CDH13: variants seen among roughly 807,000 people sequenced by gnomAD.
CDH13 encodes cadherin 13.
In CDH13, 24 loss-of-function variants were observed where a neutral mutation model predicts 63.8. The ratio of observed to expected loss-of-function variants is 0.38; its 90% CI spans 0.27 to 0.53. The LOEUF (loss-of-function observed/expected upper bound fraction) is 0.53, where lower values mean the gene tolerates loss of function less well. Ranked by LOEUF, CDH13 falls within the 20% of genes least tolerant of loss-of-function variation. The probability of loss-of-function intolerance (pLI) is 0.85; values close to 1 mark genes in which losing one functional copy is unlikely to be tolerated. For missense variants in CDH13, 1,049 were observed against 903.1 expected (o/e 1.16, Z -2.07); for synonymous variants, 503 against 355.3 (o/e 1.42, Z -4.67).
chr16:83,760,978 T>G (rs1913921460), intron 11 of CDH13, among the ~76,000 whole-genome samples: 1 of 152,132 alleles, frequency 6.6e-6, no homozygotes, highest in South Asian at 2.1e-4. Context: ...GCAAAGCAAA[T>G]CATGTTCCCT....
intron 8 of CDH13, among the ~76,000 whole-genome samples, chr16:83,646,439 A>G (rs1262955890): frequency 6.6e-6 from 1 of 152,098 alleles, no homozygotes; most frequent in African/African-American, 2.4e-5. Context: ...AGTGGTTCAC[A>G]CCTGTAATCC....
At chr16:83,018,784 G>A (rs905452327) in intron 2 of CDH13, among the ~76,000 whole-genome samples, 4 of 152,176 alleles carry the variant, frequency 2.6e-5, no homozygotes, top group Admixed American at 2.0e-4. Context: ...TATATAGCAC[G>A]GTGCTGTACT....
chr16:83,565,233 C>T (rs556113465), intron 7 of CDH13, among the ~76,000 whole-genome samples: 4 of 152,152 alleles, frequency 2.6e-5, no homozygotes, highest in African/African-American at 9.6e-5. Flanking sequence ...TATAATTGCC[C>T]TCATAGTACC....
At chr16:83,732,992 C>A (rs539476412) in intron 10 of CDH13, among the ~76,000 whole-genome samples, 1 of 152,208 alleles carries the variant, frequency 6.6e-6, no homozygotes, top group Non-Finnish European at 1.5e-5. Context: ...TCCCTGGGAG[C>A]TCGCTACCTT....
chr16:83,224,313 T>C (rs1037703605), intron 5 of CDH13, among the ~76,000 whole-genome samples: 4 of 152,220 alleles, frequency 2.6e-5, no homozygotes, highest in Non-Finnish European at 2.9e-5. Context: ...GCTATAAACA[T>C]GTGTGTGCAA....
chr16:83,314,648 C>G (rs966524295), intron 5 of CDH13, among the ~76,000 whole-genome samples: 1 of 152,160 alleles, frequency 6.6e-6, no homozygotes, highest in African/African-American at 2.4e-5. Context: ...GCCATCTCTT[C>G]CAACACAAGA....
intron 5 of CDH13, among the ~76,000 whole-genome samples, chr16:83,275,228 G>T (rs951491428): frequency 6.6e-6 from 1 of 152,080 alleles, no homozygotes; most frequent in Admixed American, 6.5e-5. Flanking sequence ...AGAGATGCTG[G>T]GCCACATAAC....
intron 3 of CDH13, among the ~76,000 whole-genome samples, chr16:83,077,419 C>G (rs576425861): frequency 6.6e-6 from 1 of 151,990 alleles, no homozygotes; most frequent in African/African-American, 2.4e-5. Flanking sequence ...TCTCGAACTC[C>G]TGACCTCAAG....
intron 1 of CDH13, among the ~76,000 whole-genome samples, chr16:82,798,398 A>G (rs180965165): frequency 3.9e-5 from 6 of 152,096 alleles, no homozygotes; most frequent in African/African-American, 1.4e-4. Flanking sequence ...TTTCCCCTAG[A>G]CTGTTTCTTA....
intron 5 of CDH13, among the ~76,000 whole-genome samples, chr16:83,238,126 G>A (rs9935282): frequency 0.074 from 11,229 of 151,754 alleles, 493 homozygotes; most frequent in Non-Finnish European, 0.093. Flanking sequence ...CTACAAGTTC[G>A]TCCATTAGGT....
intron 5 of CDH13, among the ~76,000 whole-genome samples, chr16:83,302,768 A>C (rs1341346730): frequency 3.3e-5 from 5 of 152,246 alleles, no homozygotes; most frequent in African/African-American, 1.2e-4. Context: ...GAGGGACACC[A>C]AGCCCAGCCA....
chr16:83,649,670 C>G (rs979613345), intron 8 of CDH13, among the ~76,000 whole-genome samples: 3 of 152,110 alleles, frequency 2.0e-5, no homozygotes, highest in Non-Finnish European at 4.4e-5. Context: ...GGGAAGGAGG[C>G]AAGAAAGAGG....
At chr16:83,329,058 C>G (rs1023554858) in intron 5 of CDH13, among the ~76,000 whole-genome samples, 46 of 152,152 alleles carry the variant, frequency 3.0e-4, no homozygotes, top group African/African-American at 1.1e-3. Flanking sequence ...AATGAGGCAT[C>G]TTGAGCTTCC....
chr16:83,468,684 C>G (rs945590295), intron 6 of CDH13, among the ~76,000 whole-genome samples: 4 of 152,184 alleles, frequency 2.6e-5, no homozygotes, highest in Admixed American at 2.6e-4. Context: ...CTTTCTGTCT[C>G]TTTTCACCGC....
intron 7 of CDH13, among the ~76,000 whole-genome samples, chr16:83,525,124 C>A (rs2074930585): frequency 6.6e-6 from 1 of 152,182 alleles, no homozygotes; most frequent in South Asian, 2.1e-4. Flanking sequence ...GTCCTTATAG[C>A]AACCCCAGGG....
Position 83,125,487 on chromosome 16 carries a change from A to G in CDH13, c.469A>G (p.Arg157Gly), listed in dbSNP as rs781694251. ...AGAGAATCAGAGACAGCCTTTCCCA[A>G]GAGATGTTGGCAAGGTAAGTCAGAC... ...IPENQRQPFP[R>G]DVGKVVDSDR... Residue 157 changes from arginine to glycine, a missense_variant, in exon 4 of 14, where the codon AGA becomes GGA. Coordinates refer to ENST00000567109, the MANE Select transcript of CDH13 (RefSeq NM_001257.5). 5 of 1,592,848 alleles carry G rather than the reference A, an allele frequency of 3.1e-6. No homozygotes were observed. Among genetic ancestry groups the G allele is most frequent in the Non-Finnish European group, 4.3e-6 (5 of 1,160,876 alleles).
intron 7 of CDH13, among the ~76,000 whole-genome samples, chr16:83,588,615 A>G (rs1317466950): frequency 6.6e-6 from 1 of 152,202 alleles, no homozygotes; most frequent in Non-Finnish European, 1.5e-5. Context: ...AAATACTTAG[A>G]AAGTGACTGA....
At chr16:82,787,811 C>T (rs937095657) in intron 1 of CDH13, among the ~76,000 whole-genome samples, 18 of 27,684 alleles carry the variant, frequency 6.5e-4, no homozygotes, top group South Asian at 3.1e-3. Context: ...TTGTATTCCA[C>T]GGACTGTATG....
chr16:82,917,151 T>A (rs888208856), intron 2 of CDH13, among the ~76,000 whole-genome samples: 6 of 152,006 alleles, frequency 3.9e-5, no homozygotes, highest in African/African-American at 1.4e-4. Context: ...AGAAAGTAAA[T>A]GAAAGGAAGA....
Sources: allele counts gnomAD v4.1 joint callset (sites outside exome capture counted in the v4.1 genomes callset), GRCh38; gene constraint gnomAD v4.1.1; transcripts MANE v1.5; gene names NCBI Gene and HGNC (gene_info 2026-07-23, HGNC 2026-07-21).